The following EPHA7 variants were observed in gnomAD, a reference collection of about 807,000 sequenced individuals.
EPHA7 encodes EPH receptor A7.
In EPHA7, 25 loss-of-function variants were observed where a neutral mutation model predicts 112.6. That is an observed-to-expected ratio of 0.22 (90% CI 0.16 to 0.31). The LOEUF (loss-of-function observed/expected upper bound fraction) is 0.31. Ranked by LOEUF, EPHA7 falls within the 10% of genes least tolerant of loss-of-function variation. EPHA7 has a pLI of 1.00. For missense variants in EPHA7, 962 were observed against 1,212.6 expected (o/e 0.79, Z 3.07); for synonymous variants, 437 against 406.5 (o/e 1.07, Z -0.90).
At chr6:93,381,450 CT>C (rs1777330405) in intron 3 of EPHA7, among the ~76,000 whole-genome samples, 2 of 152,064 alleles carry the variant, frequency 1.3e-5, no homozygotes, top group Non-Finnish European at 2.9e-5. Flanking sequence ...TTTAGAAAAT[CT>C]TTTTCACTTA....
chr6:93,261,948 G>A (rs1283410689), intron 9 of EPHA7, among the ~76,000 whole-genome samples: 4 of 151,412 alleles, frequency 2.6e-5, no homozygotes, highest in African/African-American at 9.7e-5. Context: ...GCATTAACCT[G>A]CAAGTTAAAA....
chr6:93,349,300 A>G (rs1775569519), intron 5 of EPHA7, among the ~76,000 whole-genome samples: 1 of 151,882 alleles, frequency 6.6e-6, no homozygotes, highest in South Asian at 2.1e-4. Context: ...TTTCACTAAC[A>G]GTCTAAAGTT....
At chr6:93,267,782 G>C (rs941080896) in intron 7 of EPHA7, among the ~76,000 whole-genome samples, 5 of 151,622 alleles carry the variant, frequency 3.3e-5, no homozygotes, top group Non-Finnish European at 3.0e-5. Context: ...TTAAATGATA[G>C]TTTGGTTTAA....
chr6:93,324,578 T>C (rs555797829), intron 5 of EPHA7, among the ~76,000 whole-genome samples: 1 of 151,462 alleles, frequency 6.6e-6, no homozygotes, highest in Admixed American at 6.6e-5. Flanking sequence ...CTAGACCCTC[T>C]CAACATATGT....
chr6:93,383,303 CTT>C (rs1294988233), intron 3 of EPHA7, among the ~76,000 whole-genome samples: 5 of 145,156 alleles, frequency 3.4e-5, no homozygotes, highest in East Asian at 2.0e-4. Flanking sequence ...TGTACAATGA[CTT>C]ATATCAGAAC....
rs1262602263 is a variant in EPHA7, at chr6:93,258,202, A to G, written c.2007T>C (p.Val669=). 1 of 1,613,300 alleles carries G rather than the reference A, an allele frequency of 6.2e-7. No homozygotes were observed. The highest frequency in any genetic ancestry group is 8.5e-7 in the Non-Finnish European group (1 of 1,179,640). The change falls in exon 11 of 17, where the codon GTT becomes GTC. Residue 669 remains valine, a synonymous_variant. Transcript: ENST00000369303. ...DVAVAIKTLK[V]GYTEKQRRDF... Reference sequence around the variant, plus strand: ...CTCTCCTTTGTTTTTCTGTGTAACCAACTTTCAGGGTTTTTATGGCTACTG... The same window carrying G: ...CTCTCCTTTGTTTTTCTGTGTAACCGACTTTCAGGGTTTTTATGGCTACTG...
chr6:93,334,629 A>G (rs1244887370), intron 5 of EPHA7, among the ~76,000 whole-genome samples: 1 of 152,088 alleles, frequency 6.6e-6, no homozygotes, highest in Non-Finnish European at 1.5e-5. Context: ...CTTAATATAT[A>G]ATGTAGAAAA....
intron 5 of EPHA7, among the ~76,000 whole-genome samples, chr6:93,305,325 C>CA (rs201375496): frequency 0.029 from 3,959 of 138,322 alleles, 145 homozygotes; most frequent in African/African-American, 0.089. Context: ...AGTAAAAGTC[C>CA]AAAAAAAAAA....
intron 3 of EPHA7, among the ~76,000 whole-genome samples, chr6:93,372,450 C>A (rs900511535): frequency 2.4e-4 from 36 of 152,192 alleles, no homozygotes; most frequent in African/African-American, 8.4e-4. Context: ...AGTGAATCTT[C>A]TCATGCTACA....
chr6:93,366,776 A>G (rs964049851), intron 3 of EPHA7, among the ~76,000 whole-genome samples: 3 of 152,176 alleles, frequency 2.0e-5, no homozygotes, highest in African/African-American at 7.2e-5. Context: ...ATTTTGGTTC[A>G]TGCAGGTAAG....
At chr6:93,389,174 A>T (rs1174810434) in intron 3 of EPHA7, among the ~76,000 whole-genome samples, 1 of 152,102 alleles carries the variant, frequency 6.6e-6, no homozygotes. Flanking sequence ...TTAGAATAAC[A>T]ATTGTAGCTA....
chr6:93,395,994 T>C (rs1464717868), intron 3 of EPHA7, among the ~76,000 whole-genome samples: 1 of 151,908 alleles, frequency 6.6e-6, no homozygotes, highest in African/African-American at 2.4e-5. Flanking sequence ...GCATGCCCTT[T>C]TTGGCTAGCT....
At chr6:93,370,850 GA>G (rs1776753561) in intron 3 of EPHA7, among the ~76,000 whole-genome samples, 1 of 152,022 alleles carries the variant, frequency 6.6e-6, no homozygotes, top group South Asian at 2.1e-4. Context: ...AGTGAACTCA[GA>G]AAAAGCACAG....
chr6:93,379,895 A>G (rs1468416638), intron 3 of EPHA7, among the ~76,000 whole-genome samples: 1 of 152,054 alleles, frequency 6.6e-6, no homozygotes, highest in East Asian at 1.9e-4. Flanking sequence ...TTTGCCATGC[A>G]GTTCCTCTAC....
intron 6 of EPHA7, among the ~76,000 whole-genome samples, 181 bp from the exon 7 acceptor site, chr6:93,269,841 G>A (rs1039771853): frequency 6.6e-6 from 1 of 151,724 alleles, no homozygotes; most frequent in African/African-American, 2.4e-5. Flanking sequence ...TGAAACACAT[G>A]CCTTTGTTAT....
intron 5 of EPHA7, among the ~76,000 whole-genome samples, chr6:93,279,688 C>T (rs989487631): frequency 1.3e-5 from 2 of 152,132 alleles, no homozygotes; most frequent in African/African-American, 4.8e-5. Context: ...AACACAGCTG[C>T]AAGTTGTTGG....
At chr6:93,252,412 C>A (rs1770256099) in intron 14 of EPHA7, among the ~76,000 whole-genome samples, 1 of 134,328 alleles carries the variant, frequency 7.4e-6, no homozygotes, top group South Asian at 3.0e-4. Flanking sequence ...ATCTGAAAAT[C>A]TGAGGAAGGC....
intron 2 of EPHA7, among the ~76,000 whole-genome samples, chr6:93,414,211 T>C (rs753970406): frequency 1.3e-5 from 2 of 151,938 alleles, no homozygotes; most frequent in Non-Finnish European, 3.0e-5. Context: ...TAATATTTTA[T>C]AGTAAATTGT....
At chr6:93,320,413 G>A (rs1297459821) in intron 5 of EPHA7, among the ~76,000 whole-genome samples, 1 of 152,006 alleles carries the variant, frequency 6.6e-6, no homozygotes, top group African/African-American at 2.4e-5. Flanking sequence ...ACATTACAAT[G>A]ATAGGCAAAG....
Sources: allele counts gnomAD v4.1 joint callset (sites outside exome capture counted in the v4.1 genomes callset), GRCh38; gene constraint gnomAD v4.1.1; transcripts MANE v1.5; gene names NCBI Gene and HGNC (gene_info 2026-07-23, HGNC 2026-07-21).